Variants in RBFOX1 observed in about 807,000 individuals in gnomAD.
RBFOX1 encodes RNA binding fox-1 homolog 1.
A neutral mutation model predicts 57.7 loss-of-function variants in RBFOX1; 8 were observed. The ratio of observed to expected loss-of-function variants is 0.14; its 90% CI spans 0.08 to 0.25. The LOEUF (loss-of-function observed/expected upper bound fraction) is 0.25, where lower values mean the gene tolerates loss of function less well. RBFOX1 is among the 10% of genes least tolerant of loss of function. The pLI, the probability that RBFOX1 is intolerant of heterozygous loss-of-function variation, is 1.00. For missense variants in RBFOX1, 611 were observed against 548.5 expected (o/e 1.11, Z -1.14); for synonymous variants, 326 against 222.4 (o/e 1.47, Z -4.15).
chr16:7,114,029 A>G (rs536137178), intron 4 of RBFOX1, among the ~76,000 whole-genome samples: 62 of 152,318 alleles, frequency 4.1e-4, no homozygotes, highest in African/African-American at 1.4e-3. Flanking sequence ...TGAATGTGCA[A>G]TGAATTTTAT....
chr16:6,819,232 T>C (rs116555315), intron 3 of RBFOX1, among the ~76,000 whole-genome samples: 4,052 of 152,304 alleles, frequency 0.027, 79 homozygotes, highest in Non-Finnish European at 0.041. Flanking sequence ...ATTCCTGTGG[T>C]TGGCAATCCT....
chr16:6,411,942 G>A (rs2093469884), intron 2 of RBFOX1, among the ~76,000 whole-genome samples: 2 of 152,196 alleles, frequency 1.3e-5, no homozygotes, highest in East Asian at 1.9e-4. Flanking sequence ...GACAAGCCTG[G>A]CCAACACAGT....
intron 2 of RBFOX1, among the ~76,000 whole-genome samples, chr16:6,534,694 A>AT (rs1442945263): frequency 4.6e-5 from 7 of 152,126 alleles, no homozygotes; most frequent in Non-Finnish European, 4.4e-5. Flanking sequence ...CTTCCTTTGC[A>AT]TTTTTTCTGC....
At chr16:6,265,472 G>A (rs1258800817) in intron 1 of RBFOX1, among the ~76,000 whole-genome samples, 1 of 152,146 alleles carries the variant, frequency 6.6e-6, no homozygotes, top group Non-Finnish European at 1.5e-5. Flanking sequence ...ATGTTGGCCA[G>A]GCTGGTCTCA....
chr16:6,796,307 T>C (rs1445047162), intron 3 of RBFOX1, among the ~76,000 whole-genome samples: 1 of 152,142 alleles, frequency 6.6e-6, no homozygotes, highest in East Asian at 1.9e-4. Context: ...CACTTGGGAA[T>C]TGTGGCAGTT....
At position 7,007,598 on chromosome 16, in the gene RBFOX1, A is replaced by G. The variant is rs187428217; in HGVS notation, c.-15-44459A>G. ...TTAAACACCCTCCCATCCTCCAGCCATCTTTGACTGTTTTAGTCATTCTTT... is the reference window on the plus strand; with the variant it reads ...TTAAACACCCTCCCATCCTCCAGCCGTCTTTGACTGTTTTAGTCATTCTTT... On this transcript the variant is annotated intron_variant, in intron 3 of 15. Transcript: ENST00000550418. Among the ~76,000 whole-genome samples the G allele has an allele frequency of 9.4e-4, 143 of 152,312 alleles. 1 individual carries two copies. Among genetic ancestry groups the G allele is most frequent in the African/African-American group, 3.4e-3 (140 of 41,560 alleles).
At chr16:7,241,661 A>C (rs2094066532) in intron 4 of RBFOX1, among the ~76,000 whole-genome samples, 1 of 152,150 alleles carries the variant, frequency 6.6e-6, no homozygotes, top group South Asian at 2.1e-4. Context: ...TATTTTCAGT[A>C]AGAGTGCATT....
chr16:6,414,109 C>T lies in RBFOX1; in HGVS notation c.-64+97052C>T, dbSNP rs555909784. ...GTGGAAAGGGGCTGGAGGAAGATGCCTCCCAAGAGAGCCAGCACAGGCCCT... is the reference window on the plus strand; with the variant it reads ...GTGGAAAGGGGCTGGAGGAAGATGCTTCCCAAGAGAGCCAGCACAGGCCCT... On this transcript the variant is annotated intron_variant, in intron 2 of 15. Coordinates refer to ENST00000550418, the MANE Select transcript of RBFOX1 (RefSeq NM_018723.4). Among the ~76,000 whole-genome samples the T allele has an allele frequency of 3.3e-5, 5 of 152,244 alleles. No individual in the cohort carries two copies. The South Asian group carries it at 8.3e-4, about 25-fold the overall frequency.
chr16:5,297,119 G>A (rs142661351), intron 1 of RBFOX1, among the ~76,000 whole-genome samples: 238 of 152,250 alleles, frequency 1.6e-3, no homozygotes, highest in African/African-American at 5.5e-3. Flanking sequence ...AGGCTGAGTG[G>A]TATTCCATTG....
chr16:7,538,414 A>G (rs564872684), intron 5 of RBFOX1, among the ~76,000 whole-genome samples: 72 of 152,170 alleles, frequency 4.7e-4, no homozygotes, highest in Middle Eastern at 3.4e-3. Context: ...GTTGAGGAAA[A>G]TGTAATTCTC....
chr16:6,266,528 A>G (rs2074515164), intron 1 of RBFOX1, among the ~76,000 whole-genome samples: 1 of 152,136 alleles, frequency 6.6e-6, no homozygotes, highest in Non-Finnish European at 1.5e-5. Context: ...AGCCTGGCCA[A>G]CATGGTGAAA....
At chr16:6,149,097 A>C (rs769271648) in intron 1 of RBFOX1, among the ~76,000 whole-genome samples, 5 of 152,242 alleles carry the variant, frequency 3.3e-5, no homozygotes, top group Non-Finnish European at 7.3e-5. Flanking sequence ...AATGCAAACA[A>C]ATACTTAGCA....
intron 10 of RBFOX1, among the ~76,000 whole-genome samples, 175 bp from the exon 11 acceptor site, chr16:7,630,428 G>A (rs577213495): frequency 1.1e-4 from 17 of 151,960 alleles, no homozygotes; most frequent in Non-Finnish European, 2.2e-4. Flanking sequence ...GGGTGGGGGG[G>A]CTTCCATTGA....
intron 3 of RBFOX1, among the ~76,000 whole-genome samples, chr16:6,670,783 G>C (rs1437904932): frequency 6.6e-6 from 1 of 152,056 alleles, no homozygotes; most frequent in Non-Finnish European, 1.5e-5. Context: ...GGATCACAAG[G>C]TCAGGAGATC....
chr16:6,430,693 G>A (rs374253737), intron 2 of RBFOX1, among the ~76,000 whole-genome samples: 1 of 152,060 alleles, frequency 6.6e-6, no homozygotes, highest in African/African-American at 2.4e-5. Context: ...GCTGTGATGG[G>A]AAGTTTAGAC....
At chr16:6,526,377 A>G (rs1440482336) in intron 2 of RBFOX1, among the ~76,000 whole-genome samples, 4 of 152,164 alleles carry the variant, frequency 2.6e-5, no homozygotes, top group African/African-American at 9.6e-5. Flanking sequence ...CTCTGTTGTA[A>G]TTAGTCTGAG....
chr16:7,195,089 A>G (rs1051138941), intron 4 of RBFOX1, among the ~76,000 whole-genome samples: 4 of 152,344 alleles, frequency 2.6e-5, no homozygotes, highest in Middle Eastern at 3.4e-3. Flanking sequence ...ATTTTAATAA[A>G]GAGCTCTTCA....
chr16:6,071,079 T>G (rs1167490694), intron 1 of RBFOX1, among the ~76,000 whole-genome samples: 1 of 152,138 alleles, frequency 6.6e-6, no homozygotes, highest in Non-Finnish European at 1.5e-5. Flanking sequence ...CCCCAGCACT[T>G]TGGGAGGCTG....
In RBFOX1 at chr16:7,225,900, T is replaced by TAATAAAAA. The variant is rs2093071318; in HGVS notation, c.27+173808_27+173809insAAAATAAA. Among the ~76,000 whole-genome samples the TAATAAAAA allele has an allele frequency of 1.2e-4, 3 of 24,580 alleles. No individual in the cohort carries two copies. The African/African-American group carries it at 2.1e-3, about 17-fold the overall frequency. The allele number at this position is 24,580 out of a possible 152,430, so 16.1% of individuals were successfully genotyped here. A position where few individuals can be genotyped will look rare whatever the true frequency, so the allele number is the denominator to read the frequency against. ...CACATGTACCCTAGAACTTAAAGTA[T>TAATAAAAA]AATAAATATATATATATATAAATGT... On this transcript the variant is annotated intron_variant, in intron 4 of 15. Transcript: ENST00000550418.
Sources: gnomAD v4.1 joint callset for allele counts (sites outside exome capture counted in the v4.1 genomes callset) on GRCh38, gnomAD v4.1.1 for gene constraint, MANE v1.5 for transcripts, NCBI Gene and HGNC (gene_info 2026-07-23, HGNC 2026-07-21) for gene names.